NCAM2: variants seen among roughly 807,000 people sequenced by gnomAD.
NCAM2 encodes the protein neural cell adhesion molecule 2, also known as N-CAM-2.
Under a neutral mutation model 98.1 loss-of-function variants are expected in NCAM2, and 30 were observed. The observed-to-expected ratio is 0.31, with a 90% CI of 0.23 to 0.41. The LOEUF (loss-of-function observed/expected upper bound fraction) is 0.41. NCAM2 is among the 10% of genes least tolerant of loss of function. The pLI is 1.00. For missense variants in NCAM2, 867 were observed against 1,005.8 expected, an observed-to-expected ratio of 0.86 and a Z score of 1.87; for synonymous variants, 368 against 342.4, an observed-to-expected ratio of 1.07 and a Z score of -0.83.
At chr21:21,314,736 A>G (rs955614625) in intron 5 of NCAM2, among the ~76,000 whole-genome samples, 9 of 151,130 alleles carry the variant, frequency 6.0e-5, no homozygotes, top group East Asian at 3.9e-4. Context: ...CTCTCTGTCA[A>G]TCAATTCAGC....
chr21:21,192,481 G>T (rs1057137504), intron 1 of NCAM2, among the ~76,000 whole-genome samples: 3 of 152,150 alleles, frequency 2.0e-5, no homozygotes, highest in African/African-American at 7.2e-5. Flanking sequence ...AAGCCTGTTG[G>T]TTGCAATGGT....
intron 16 of NCAM2, among the ~76,000 whole-genome samples, chr21:21,527,475 T>C (rs954826570): frequency 1.1e-4 from 16 of 152,154 alleles, no homozygotes; most frequent in African/African-American, 3.9e-4. Context: ...AGGACTATTA[T>C]ATGATGTATA....
In NCAM2 at chr21:21,034,447, C is replaced by T. The variant is rs570581637; in HGVS notation, c.55+35829C>T. ...AATCAGGTATTCCAGTGAACTTTCTCGGTCGTCCATACATCAACAGGCACA... is the reference window on the plus strand; with the variant it reads ...AATCAGGTATTCCAGTGAACTTTCTTGGTCGTCCATACATCAACAGGCACA... On this transcript the variant is annotated intron_variant, in intron 1 of 17. Coordinates refer to ENST00000400546, the MANE Select transcript of NCAM2 (RefSeq NM_004540.5). 5.3e-5 allele frequency among the ~76,000 whole-genome samples: 8 copies of T among 152,174 alleles called. No homozygotes were observed. In the East Asian group the frequency reaches 5.8e-4, roughly 11 times the overall value.
At chr21:21,409,188 G>T (rs2076805699) in intron 9 of NCAM2, among the ~76,000 whole-genome samples, 1 of 152,066 alleles carries the variant, frequency 6.6e-6, no homozygotes, top group South Asian at 2.1e-4. Flanking sequence ...AAATTGAGAG[G>T]TTACAATATT....
chr21:21,148,112 TG>T (rs2067341100), intron 1 of NCAM2, among the ~76,000 whole-genome samples: 1 of 152,088 alleles, frequency 6.6e-6, no homozygotes, highest in African/African-American at 2.4e-5. Flanking sequence ...TCAGCCACAT[TG>T]GGAAGGGCCA....
intron 1 of NCAM2, among the ~76,000 whole-genome samples, chr21:21,093,475 C>T (rs1192578183): frequency 2.0e-5 from 3 of 152,018 alleles, no homozygotes; most frequent in Non-Finnish European, 4.4e-5. Context: ...CTTGACATCA[C>T]CTACTCAAAA....
chr21:21,309,315 T>C (rs572222952), intron 5 of NCAM2, among the ~76,000 whole-genome samples: 1 of 152,340 alleles, frequency 6.6e-6, no homozygotes, highest in South Asian at 2.1e-4. Context: ...ACCTTTTTTT[T>C]CTAGAAATAC....
chr21:21,265,920 A>G (rs1160735136), intron 1 of NCAM2, among the ~76,000 whole-genome samples: 1 of 152,124 alleles, frequency 6.6e-6, no homozygotes. Context: ...ATTATAGTAT[A>G]AAAGATTGTT....
chr21:21,402,490 T>C (rs761794006), intron 9 of NCAM2, among the ~76,000 whole-genome samples: 28 of 152,146 alleles, frequency 1.8e-4, no homozygotes, highest in Non-Finnish European at 3.7e-4. Context: ...TTAAGATGTT[T>C]ATCAAGACAA....
intron 5 of NCAM2, among the ~76,000 whole-genome samples, chr21:21,319,348 A>ATT (rs2147770702): frequency 6.6e-6 from 1 of 152,286 alleles, no homozygotes; most frequent in East Asian, 1.9e-4. Flanking sequence ...TAATTAATAA[A>ATT]AATAACTAAC....
chr21:21,237,101 C>A (rs867628737), intron 1 of NCAM2, among the ~76,000 whole-genome samples: 1 of 151,996 alleles, frequency 6.6e-6, no homozygotes, highest in Non-Finnish European at 1.5e-5. Flanking sequence ...ATATTTAATC[C>A]TATTTCTGGA....
At chr21:21,361,239 C>CACAA (rs761050963) in intron 8 of NCAM2, among the ~76,000 whole-genome samples, 95 of 152,168 alleles carry the variant, frequency 6.2e-4, no homozygotes, top group Middle Eastern at 6.8e-3. Context: ...CACACACACA[C>CACAA]ACAAACACAT....
chr21:21,082,681 C>G (rs1038324464), intron 1 of NCAM2, among the ~76,000 whole-genome samples: 2 of 152,158 alleles, frequency 1.3e-5, no homozygotes, highest in Admixed American at 1.3e-4. Flanking sequence ...TTGATGCCAA[C>G]TGAAGGTTTT....
At chr21:21,425,735 G>T (rs1395088687) in intron 11 of NCAM2, among the ~76,000 whole-genome samples, 3 of 152,104 alleles carry the variant, frequency 2.0e-5, no homozygotes, top group African/African-American at 2.4e-5. Flanking sequence ...TTGTGAAAAA[G>T]TCTAAATAAT....
intron 1 of NCAM2, among the ~76,000 whole-genome samples, chr21:21,103,760 G>A (rs934214961): frequency 6.6e-6 from 1 of 152,052 alleles, no homozygotes; most frequent in African/African-American, 2.4e-5. Context: ...GCATGCACTT[G>A]CTGTCATGAA....
chr21:21,389,758 T>C (rs2076341616), intron 9 of NCAM2, among the ~76,000 whole-genome samples: 1 of 152,214 alleles, frequency 6.6e-6, no homozygotes, highest in African/African-American at 2.4e-5. Flanking sequence ...TTTCATTCTC[T>C]TTTATGGCTG....
chr21:21,037,235 G>A (rs1418601502), intron 1 of NCAM2, among the ~76,000 whole-genome samples: 1 of 152,112 alleles, frequency 6.6e-6, no homozygotes. Context: ...CCATGTTGCT[G>A]AGGCTTGTTT....
intron 8 of NCAM2, among the ~76,000 whole-genome samples, chr21:21,345,857 A>T (rs994089039): frequency 6.6e-6 from 1 of 152,116 alleles, no homozygotes; most frequent in Admixed American, 6.6e-5. Flanking sequence ...TAGCACAGGC[A>T]TTTAATACCT....
chr21:21,270,220 T>G (rs529828677), intron 1 of NCAM2, among the ~76,000 whole-genome samples: 1 of 152,296 alleles, frequency 6.6e-6, no homozygotes, highest in East Asian at 1.9e-4. Context: ...GGATGTATAA[T>G]TTGGGATTAG....
Sources: allele counts gnomAD v4.1 joint callset (sites outside exome capture counted in the v4.1 genomes callset), GRCh38; gene constraint gnomAD v4.1.1; transcripts MANE v1.5; gene names NCBI Gene and HGNC (gene_info 2026-07-23, HGNC 2026-07-21).